The following ANKS1B variants were observed in gnomAD, a reference collection of about 807,000 sequenced individuals.
The protein encoded by ANKS1B is ankyrin repeat and sterile alpha motif domain containing 1B, also known as ankyrin repeat and sterile alpha motif domain-containing protein 1B.
ANKS1B carries 36 observed loss-of-function variants against 148.3 expected under a neutral mutation model. That is an observed-to-expected ratio of 0.24 (90% CI 0.19 to 0.32). The LOEUF (loss-of-function observed/expected upper bound fraction) is 0.32. Among genes scored for constraint, ANKS1B ranks in the 10% least tolerant of loss-of-function variants. ANKS1B has a pLI of 1.00. For synonymous variants in ANKS1B, 542 were observed against 560.8 expected (o/e 0.97, Z 0.47); for missense variants, 1,157 against 1,542.6 (o/e 0.75, Z 4.19).
At chr12:99,015,478 A>G (rs995305047) in intron 17 of ANKS1B, among the ~76,000 whole-genome samples, 1 of 152,194 alleles carries the variant, frequency 6.6e-6, no homozygotes, top group African/African-American at 2.4e-5. Context: ...AGGTTTACCT[A>G]TGTAACAAAC....
At chr12:99,565,266 A>G (rs1345712140) in intron 9 of ANKS1B, among the ~76,000 whole-genome samples, 1 of 152,200 alleles carries the variant, frequency 6.6e-6, no homozygotes, top group Non-Finnish European at 1.5e-5. Flanking sequence ...CAAGTCTAAA[A>G]TGGCATCAAC....
intron 8 of ANKS1B, among the ~76,000 whole-genome samples, chr12:99,770,587 C>T (rs1356232791): frequency 6.6e-6 from 1 of 152,106 alleles, no homozygotes; most frequent in Admixed American, 6.5e-5. Context: ...TAAACATTCG[C>T]TAACAGGTTT....
intron 17 of ANKS1B, among the ~76,000 whole-genome samples, chr12:98,900,358 C>A (rs754818836): frequency 6.6e-6 from 1 of 152,110 alleles, no homozygotes; most frequent in Non-Finnish European, 1.5e-5. Context: ...ATTGTTAGAT[C>A]TTTGAATTTG....
At chr12:99,099,992 C>T (rs2057481501) in intron 15 of ANKS1B, 1 of 152,152 alleles carries the variant, frequency 6.6e-6, no homozygotes, top group South Asian at 2.1e-4. Flanking sequence ...GCATAATCAC[C>T]TGGTCCTTGC....
At chr12:99,850,505 T>C (rs1223856810) in intron 1 of ANKS1B, among the ~76,000 whole-genome samples, 2 of 152,008 alleles carry the variant, frequency 1.3e-5, no homozygotes, top group East Asian at 3.8e-4. Context: ...TAACCCAAAT[T>C]CTCTATCTTC....
At position 99,595,551 on chromosome 12, in the gene ANKS1B, C is replaced by T. The variant is rs115443981; in HGVS notation, c.1272+59516G>A. On this transcript the variant is annotated intron_variant, in intron 9 of 26. Transcript: ENST00000683438. ...TTATTAGTATTAGTATGTATCAACTCATTTTAGAAAATATAAAACTAATTA... is the reference window on the plus strand; with the variant it reads ...TTATTAGTATTAGTATGTATCAACTTATTTTAGAAAATATAAAACTAATTA... Among the ~76,000 whole-genome samples the T allele has an allele frequency of 2.3e-3, 355 of 152,002 alleles. 3 individuals are homozygous for T. Among genetic ancestry groups the T allele is most frequent in the African/African-American group, 8.2e-3 (342 of 41,540 alleles).
At chr12:99,883,726 G>C (rs2092672933) in intron 1 of ANKS1B, among the ~76,000 whole-genome samples, 1 of 152,126 alleles carries the variant, frequency 6.6e-6, no homozygotes, top group Non-Finnish European at 1.5e-5. Context: ...GACCAGCCTG[G>C]CCAACATGGT....
chr12:99,076,066 A>G (rs1316794013), intron 16 of ANKS1B, among the ~76,000 whole-genome samples: 2 of 152,080 alleles, frequency 1.3e-5, no homozygotes, highest in African/African-American at 4.8e-5. Context: ...CTGTAACCCT[A>G]GTGCTAAGGG....
intron 25 of ANKS1B, among the ~76,000 whole-genome samples, chr12:98,756,050 TAA>T (rs2098233199): frequency 6.6e-6 from 1 of 152,192 alleles, no homozygotes; most frequent in Non-Finnish European, 1.5e-5. Context: ...ATTAGTCATG[TAA>T]AAAGTCTCAC....
chr12:99,566,348 A>T (rs1404748119), intron 9 of ANKS1B, among the ~76,000 whole-genome samples: 2 of 152,232 alleles, frequency 1.3e-5, no homozygotes, highest in Non-Finnish European at 2.9e-5. Flanking sequence ...ATAAGATGGC[A>T]GAATGCACAA....
At chr12:99,568,320 C>T (rs901634137) in intron 9 of ANKS1B, among the ~76,000 whole-genome samples, 3 of 152,190 alleles carry the variant, frequency 2.0e-5, no homozygotes, top group African/African-American at 7.2e-5. Context: ...TCTGAGATTT[C>T]CACCTTCATC....
rs191820702 is a variant in ANKS1B at position 99,734,456 on chromosome 12, G to T, written c.1128+38466C>A. ...TTACAGGCATGCGCCACCACGCATG[G>T]CTAATTTTTGTATTTTTAGTAGAAA... On this transcript the variant is annotated intron_variant, in intron 8 of 26. Coordinates refer to ENST00000683438, the MANE Select transcript of ANKS1B (RefSeq NM_001352186.2). Among the ~76,000 whole-genome samples the T allele has an allele frequency of 9.9e-5, 15 of 152,162 alleles. No individual in the cohort carries two copies. In the East Asian group the frequency reaches 2.7e-3, roughly 27 times the overall value.
At chr12:99,647,906 G>C (rs770291011) in intron 9 of ANKS1B, 31 of 436,862 alleles carry the variant, frequency 7.1e-5, no homozygotes, top group Non-Finnish European at 1.1e-4. Context: ...GGACATCCAC[G>C]AGGGCCCCAA....
intron 12 of ANKS1B, among the ~76,000 whole-genome samples, chr12:99,326,497 C>G (rs2086323229): frequency 1.5e-5 from 2 of 133,044 alleles, no homozygotes; most frequent in South Asian, 4.2e-4. Context: ...TAATTTCACT[C>G]CTTCTTCTCT....
chr12:99,115,184 C>A (rs965532594), intron 15 of ANKS1B, among the ~76,000 whole-genome samples: 2 of 152,132 alleles, frequency 1.3e-5, no homozygotes, highest in Non-Finnish European at 2.9e-5. Context: ...ATGTTTACTG[C>A]AGCAGTATTC....
At chr12:98,926,453 C>T (rs941032212) in intron 17 of ANKS1B, among the ~76,000 whole-genome samples, 1 of 152,038 alleles carries the variant, frequency 6.6e-6, no homozygotes, top group Non-Finnish European at 1.5e-5. Flanking sequence ...ACACTATATT[C>T]CTTAAAATGT....
chr12:98,894,980 G>C, intron 17 of ANKS1B: 1 of 819,952 alleles, frequency 1.2e-6, no homozygotes, highest in Non-Finnish European at 1.5e-6. Flanking sequence ...GCGCGCGCCT[G>C]CCCTGGCGGC....
intron 4 of ANKS1B, among the ~76,000 whole-genome samples, chr12:99,786,168 C>G (rs1353330850): frequency 2.0e-5 from 3 of 152,138 alleles, no homozygotes; most frequent in Admixed American, 6.5e-5. Flanking sequence ...TAAATCCTTC[C>G]TGATATAGCA....
intron 10 of ANKS1B, among the ~76,000 whole-genome samples, chr12:99,445,258 C>A (rs2095617677): frequency 6.6e-6 from 1 of 151,956 alleles, no homozygotes; most frequent in African/African-American, 2.4e-5. Context: ...CTAAAAACTA[C>A]ACATGTAAGA....
Sources: allele counts gnomAD v4.1 joint callset (sites outside exome capture counted in the v4.1 genomes callset), GRCh38; gene constraint gnomAD v4.1.1; transcripts MANE v1.5; gene names NCBI Gene and HGNC (gene_info 2026-07-23, HGNC 2026-07-21).